The following TMEM41B variants were observed in gnomAD, a reference collection of about 807,000 sequenced individuals.
The protein encoded by TMEM41B is protein stasimon.
TMEM41B carries 18 observed loss-of-function variants against 31.9 expected under a neutral mutation model. That is an observed-to-expected ratio of 0.56 (90% CI 0.39 to 0.84). TMEM41B has a LOEUF of 0.84. TMEM41B is among the 40% of genes least tolerant of loss of function. The probability of loss-of-function intolerance (pLI) is 0.00; values close to 1 mark genes in which losing one functional copy is unlikely to be tolerated. For synonymous variants in TMEM41B, 144 were observed against 124.3 expected, an observed-to-expected ratio of 1.16 and a Z score of -1.05; for missense variants, 322 against 348.0, an observed-to-expected ratio of 0.93 and a Z score of 0.59.
At chr11:9,301,775 T>C (rs1590383836) in intron 1 of TMEM41B, among the ~76,000 whole-genome samples, 1 of 152,174 alleles carries the variant, frequency 6.6e-6, no homozygotes, top group Non-Finnish European at 1.5e-5. Flanking sequence ...TGTCAAGCGA[T>C]AGTGGGACTT....
At chr11:9,311,608 G>A in intron 1 of TMEM41B, 1 of 1,001,924 alleles carries the variant, frequency 1.0e-6, no homozygotes, top group Non-Finnish European at 1.5e-6. Flanking sequence ...GGTGGTGAGT[G>A]GGCAGGATTG....
At chr11:9,286,386 C>G (rs1380686168) in intron 6 of TMEM41B, 69 bp downstream of exon 6, 3 of 1,483,524 alleles carry the variant, frequency 2.0e-6, no homozygotes, top group Admixed American at 4.5e-5. Context: ...TGCATGTAAT[C>G]TAGCCCAGCT....
chr11:9,283,341 G>C lies in TMEM41B; in HGVS notation c.*83C>G, dbSNP rs911647549. 1.1e-5 allele frequency: 12 copies of C among 1,044,156 alleles called. No individual in the cohort carries two copies. Among genetic ancestry groups the C allele is most frequent in the Non-Finnish European group, 1.7e-5 (12 of 726,072 alleles). The allele number at this position is 1,044,156 out of a possible 1,614,324, so 64.7% of individuals were successfully genotyped here. A position where few individuals can be genotyped will look rare whatever the true frequency, so the allele number is the denominator to read the frequency against. ...ACAAATTCCTTGTTTAATTACTGAA[G>C]AGGTGATTTTAAAACATAAATGGAT... is the stretch of plus-strand genomic sequence containing the variant. On this transcript the variant is annotated 3_prime_UTR_variant, in exon 7 of 7. Transcript: ENST00000528080.
chr11:9,314,253 G>A (rs1424957525), intron 1 of TMEM41B, 68 bp downstream of exon 1: 14 of 1,502,014 alleles, frequency 9.3e-6, no homozygotes, highest in South Asian at 2.4e-5. Flanking sequence ...AATAGCGGGG[G>A]TCCTTTTCCC....
chr11:9,314,205 C>G, intron 1 of TMEM41B, 116 bp downstream of exon 1: 7 of 1,322,118 alleles, frequency 5.3e-6, no homozygotes, highest in Non-Finnish European at 7.0e-6. Flanking sequence ...CCCGCCGCGG[C>G]GCCAGCAGGC....
At chr11:9,289,350 C>T (rs1852904127) in intron 3 of TMEM41B, among the ~76,000 whole-genome samples, 1 of 151,816 alleles carries the variant, frequency 6.6e-6, no homozygotes, top group African/African-American at 2.4e-5. Flanking sequence ...TCCTGTCGTT[C>T]CCAGTTTGGA....
chr11:9,285,094 T>C (rs1789546745), intron 6 of TMEM41B, among the ~76,000 whole-genome samples: 1 of 150,380 alleles, frequency 6.6e-6, no homozygotes, highest in Non-Finnish European at 1.5e-5. Flanking sequence ...CTTTCTTTTT[T>C]TTTTTTTTTT....
chr11:9,290,260 C>T (rs1005957156), intron 3 of TMEM41B, among the ~76,000 whole-genome samples: 1 of 152,042 alleles, frequency 6.6e-6, no homozygotes, highest in African/African-American at 2.4e-5. Context: ...ACCTGTAGTC[C>T]CAGCTACTCG....
At chr11:9,287,558 T>C (rs1852863041) in intron 5 of TMEM41B, 144 bp downstream of exon 5, 2 of 543,822 alleles carry the variant, frequency 3.7e-6, no homozygotes, top group Admixed American at 7.8e-5. Flanking sequence ...TTTTATTTGG[T>C]CAGAAGATAA....
At chr11:9,311,613 G>T in intron 1 of TMEM41B, 2 of 986,132 alleles carry the variant, frequency 2.0e-6, no homozygotes, top group Non-Finnish European at 3.1e-6. Flanking sequence ...TGAGTGGGCA[G>T]GATTGGAACC....
At chr11:9,295,236 CA>C (rs1400069050) in intron 3 of TMEM41B, 22 bp downstream of exon 3, 1 of 1,489,818 alleles carries the variant, frequency 6.7e-7, no homozygotes. Flanking sequence ...AATTAGAAAA[CA>C]TTTTTTCAGT....
rs989274384 is a variant in TMEM41B at position 9,300,804 on chromosome 11, G to T, written c.122-1103C>A. On this transcript the variant is annotated intron_variant, in intron 1 of 6. Coordinates refer to ENST00000528080, the MANE Select transcript of TMEM41B (RefSeq NM_015012.4). ...GAGGCAGGAGAATGGTGTGAACCCGGGAGGCAGAGCTTGCAGTGTGCTGAG... is the reference window on the plus strand; with the variant it reads ...GAGGCAGGAGAATGGTGTGAACCCGTGAGGCAGAGCTTGCAGTGTGCTGAG... 2.3e-4 allele frequency among the ~76,000 whole-genome samples: 35 copies of T among 151,960 alleles called. No homozygotes were observed. The East Asian group carries it at 3.3e-3, about 14-fold the overall frequency.
intron 1 of TMEM41B, chr11:9,311,264 A>T (rs2133655129): frequency 6.6e-7 from 1 of 1,504,192 alleles, no homozygotes; most frequent in African/African-American, 1.4e-5. Context: ...TGAGGGAAGG[A>T]CCCAGGGCCT....
Position 9,282,926 on chromosome 11 carries a change from T to C in TMEM41B, c.*498A>G, listed in dbSNP as rs1590368138. On this transcript the variant is annotated 3_prime_UTR_variant, in exon 7 of 7. Coordinates refer to ENST00000528080, the MANE Select transcript of TMEM41B (RefSeq NM_015012.4). Reference sequence around the variant, plus strand: ...TCCAGCCTGGGCGGCAGAGCTAGACTCCGTCTCAAAACAGAAAAAAAAAAA... The same window carrying C: ...TCCAGCCTGGGCGGCAGAGCTAGACCCCGTCTCAAAACAGAAAAAAAAAAA... 2.7e-5 allele frequency: 3 copies of C among 110,908 alleles called. No individual in the cohort carries two copies. The East Asian group carries it at 8.4e-4, about 31-fold the overall frequency. 6.9% of individuals were successfully genotyped at this position (110,908 alleles called of 1,614,324 possible).
chr11:9,288,545 T>C lies in TMEM41B; in HGVS notation c.369-10A>G. The C allele has an allele frequency of 6.4e-7, 1 of 1,551,170 alleles. No homozygotes were observed. Among genetic ancestry groups the C allele is most frequent in the African/African-American group, 1.4e-5 (1 of 72,058 alleles). ...AGCAAATGTTTGCAAGCTGGTAACT[T>C]TTAAGTTAAGGATTAGAATATAATT... On this transcript the variant is annotated splice_polypyrimidine_tract_variant and intron_variant, in intron 3 of 6. Coordinates refer to ENST00000528080, the MANE Select transcript of TMEM41B (RefSeq NM_015012.4).
intron 3 of TMEM41B, among the ~76,000 whole-genome samples, chr11:9,293,377 A>G (rs1401546126): frequency 1.3e-5 from 2 of 151,920 alleles, no homozygotes; most frequent in Non-Finnish European, 2.9e-5. Flanking sequence ...TGCTGGGATT[A>G]CAGGAATGAG....
intron 3 of TMEM41B, among the ~76,000 whole-genome samples, chr11:9,291,795 G>A (rs921228725): frequency 3.3e-5 from 5 of 151,902 alleles, no homozygotes; most frequent in African/African-American, 7.2e-5. Context: ...TGCATTCTCC[G>A]CATCCCAGGT....
At chr11:9,304,709 G>A (rs146091674) in intron 1 of TMEM41B, among the ~76,000 whole-genome samples, 192 of 151,840 alleles carry the variant, frequency 1.3e-3, no homozygotes, top group African/African-American at 4.5e-3. Flanking sequence ...CCAGCCTGGA[G>A]TGCAGTGGCG....
chr11:9,284,931 TTAAC>T (rs1852802499), intron 6 of TMEM41B, among the ~76,000 whole-genome samples: 1 of 152,028 alleles, frequency 6.6e-6, no homozygotes, highest in Non-Finnish European at 1.5e-5. Context: ...AAAGCTGAAA[TTAAC>T]TAAATCTCTG....
Sources: allele counts gnomAD v4.1 joint callset (sites outside exome capture counted in the v4.1 genomes callset), GRCh38; gene constraint gnomAD v4.1.1; transcripts MANE v1.5; gene names NCBI Gene and HGNC (gene_info 2026-07-23, HGNC 2026-07-21).